Variants in EXD3 observed in about 807,000 individuals in gnomAD.
EXD3 encodes the protein exonuclease 3'-5' domain containing 3, also known as exonuclease mut-7 homolog.
In EXD3, 92 loss-of-function variants were observed where a neutral mutation model predicts 98.0. The ratio of observed to expected loss-of-function variants is 0.94; its 90% CI spans 0.79 to 1.12. EXD3 has a LOEUF of 1.12. Ranked by LOEUF, EXD3 falls within the 50% of genes most tolerant of loss-of-function variation. The probability of loss-of-function intolerance (pLI) is 0.00; values close to 1 mark genes in which losing one functional copy is unlikely to be tolerated. For missense variants in EXD3, 1,222 were observed against 1,191.6 expected (o/e 1.03, Z -0.38); for synonymous variants, 569 against 526.0 (o/e 1.08, Z -1.12).
intron 8 of EXD3, among the ~76,000 whole-genome samples, chr9:137,355,455 G>A (rs867035913): frequency 8.8e-5 from 11 of 125,126 alleles, no homozygotes; most frequent in African/African-American, 3.2e-4. Flanking sequence ...GAGGATGGAG[G>A]AAGGAGAAAG....
In EXD3 at chr9:137,371,243, G is replaced by A. The variant is rs893671172; in HGVS notation, c.462+1662C>T. 6.6e-5 allele frequency among the ~76,000 whole-genome samples: 10 copies of A among 152,226 alleles called. No homozygotes were observed. Among genetic ancestry groups the A allele is most frequent in the Non-Finnish European group, 7.3e-5 (5 of 68,030 alleles). ...CCCTGCACTCTCCGCAGGCACGGCC[G>A]CCATTCAGCGTCGCGCCACATGAGG... On this transcript the variant is annotated intron_variant, in intron 5 of 21. Coordinates refer to ENST00000340951, the MANE Select transcript of EXD3 (RefSeq NM_017820.5). This position sits in a 1 kb window ranked among gnomAD's most constrained non-coding sequence, Gnocchi z 8.0.
Position 137,309,593 on chromosome 9 carries a change from C to G in EXD3, c.2278+14G>C. On this transcript the variant is annotated intron_variant, in intron 20 of 21. Transcript: ENST00000340951. The stretch of plus-strand genomic sequence containing the variant: ...AGGCCCCCCAGACCCAGTGCCTGAC[C>G]CTGACACACTCACCTGAGCTCCTGG... 6.4e-7 allele frequency: 1 copy of G among 1,552,250 alleles called. No individual in the cohort carries two copies. The highest frequency in any genetic ancestry group is 8.7e-7 in the Non-Finnish European group (1 of 1,147,632).
Position 137,307,625 on chromosome 9 carries a change from T to A in EXD3, c.2300A>T (p.Gln767Leu). ...RSSGDEATQS[Q>L]AVQEPGPAPD... Reference sequence around the variant, plus strand: ...GGGCTCACCTGGCTCCTGCACCGCCTGGCTCTGGGTGGCCTCGTCACCTGT... The same window carrying A: ...GGGCTCACCTGGCTCCTGCACCGCCAGGCTCTGGGTGGCCTCGTCACCTGT... Residue 767 changes from glutamine (Q) to leucine (L), a missense_variant, in exon 21 of 22, where the codon CAG (glutamine) becomes CTG (leucine). By Grantham distance (113) the Gln-to-Leu change is moderately radical. Coordinates refer to ENST00000340951, the MANE Select transcript of EXD3 (RefSeq NM_017820.5). 6.2e-7 allele frequency: 1 copy of A among 1,610,184 alleles called. No homozygotes were observed. Among genetic ancestry groups the A allele is most frequent in the Non-Finnish European group, 8.5e-7 (1 of 1,179,682 alleles).
chr9:137,330,380 A>G (rs1191847752), intron 17 of EXD3, among the ~76,000 whole-genome samples: 2 of 142,582 alleles, frequency 1.4e-5, no homozygotes, highest in African/African-American at 2.7e-5. Context: ...GGAGCTACAC[A>G]GGACTACACA....
chr9:137,417,629 G>A (rs775314344), intron 1 of EXD3, among the ~76,000 whole-genome samples: 10 of 152,216 alleles, frequency 6.6e-5, no homozygotes, highest in African/African-American at 1.2e-4. Flanking sequence ...CGGCCGCAGA[G>A]GAGGAACGGC....
At chr9:137,328,402 CAT>C (rs1832610548) in intron 17 of EXD3, among the ~76,000 whole-genome samples, 3 of 152,188 alleles carry the variant, frequency 2.0e-5, no homozygotes, top group African/African-American at 4.8e-5. Flanking sequence ...AATATACACT[CAT>C]ATGATGAGTA....
rs751107503 is a variant in EXD3, at chr9:137,323,731, G to A, written c.2178C>T (p.Arg726=). 6 of 1,612,106 alleles carry A rather than the reference G, an allele frequency of 3.7e-6. No individual in the cohort carries two copies. Among genetic ancestry groups the A allele is most frequent in the Admixed American group, 3.3e-5 (2 of 59,994 alleles). ...VRVTHADIFS[R]CQACNCDQYL... ...CGGGGTGCGCAGGACCCACCTGGCA[G>A]CGGCTGAAGATGTCTGCGTGGGTGA... The change falls in exon 19 of 22, where the codon CGC becomes CGT. Residue 726 remains arginine (R), a synonymous_variant. Transcript: ENST00000340951.
chr9:137,323,811 A>G lies in EXD3; in HGVS notation c.2098T>C (p.Ser700Pro), dbSNP rs766167986. ...GAGRCLSVDC[S>P]LKAQQQAKAV... Reference sequence around the variant, plus strand: ...TTGGCCTGCTGCTGGGCCTTCAGGGAGCAGTCGACCGAGAGGCAGCGCCCA... The same window carrying G: ...TTGGCCTGCTGCTGGGCCTTCAGGGGGCAGTCGACCGAGAGGCAGCGCCCA... Residue 700 changes from serine (S) to proline (P), a missense_variant, in exon 19 of 22, where the codon TCC becomes CCC. By Grantham distance (74) the Ser-to-Pro change is moderately conservative (BLOSUM62 -1). Transcript: ENST00000340951. 6.2e-7 allele frequency: 1 copy of G among 1,612,178 alleles called. No individual in the cohort carries two copies. Among genetic ancestry groups the G allele is most frequent in the Non-Finnish European group, 8.5e-7 (1 of 1,179,738 alleles).
intron 1 of EXD3, among the ~76,000 whole-genome samples, chr9:137,415,969 T>C (rs558477003): frequency 1.3e-5 from 2 of 152,242 alleles, no homozygotes; most frequent in African/African-American, 4.8e-5. Context: ...ACGGTGCCTC[T>C]GTGCTTTCTG....
At chr9:137,321,983 G>A (rs1588240788) in intron 19 of EXD3, among the ~76,000 whole-genome samples, 3 of 152,180 alleles carry the variant, frequency 2.0e-5, no homozygotes, top group Admixed American at 6.5e-5. Flanking sequence ...CCCTGGGCAG[G>A]TGCCTCAGCC....
intron 16 of EXD3, 46 bp from the exon 17 acceptor site, chr9:137,348,284 C>T: frequency 1.3e-6 from 2 of 1,571,948 alleles, no homozygotes; most frequent in African/African-American, 1.4e-5. Flanking sequence ...CCCCCCAGCC[C>T]CTCACAGCCT....
rs1264623853 is a variant in EXD3, at chr9:137,385,472, C to G, written c.56-2095G>C. ...CATGTGCCGAGCCGCATCATGTGCT[C>G]TGCGTTCCTTCCTACACATGGGTTG... On this transcript the variant is annotated intron_variant, in intron 2 of 21. Coordinates refer to ENST00000340951, the MANE Select transcript of EXD3 (RefSeq NM_017820.5). The surrounding 1 kb of genome is among the most constrained non-coding windows in gnomAD (Gnocchi z 4.4). 6.6e-6 allele frequency among the ~76,000 whole-genome samples: 1 copy of G among 152,216 alleles called. No homozygotes were observed. Among genetic ancestry groups the G allele is most frequent in the African/African-American group, 2.4e-5 (1 of 41,478 alleles).
intron 19 of EXD3, among the ~76,000 whole-genome samples, chr9:137,321,901 C>T (rs934638874): frequency 3.9e-5 from 6 of 152,176 alleles, no homozygotes; most frequent in Non-Finnish European, 5.9e-5. Flanking sequence ...CAAAAGGCAG[C>T]ATCAACTCCC....
At chr9:137,317,582 G>T (rs1266345976) in intron 19 of EXD3, among the ~76,000 whole-genome samples, 1 of 152,156 alleles carries the variant, frequency 6.6e-6, no homozygotes, top group African/African-American at 2.4e-5. Context: ...CTGGAAGGCT[G>T]CTAGGAAAGG....
At position 137,324,159 on chromosome 9, in the gene EXD3, G is replaced by T; in HGVS notation, c.1999-16C>A. On this transcript the variant is annotated splice_polypyrimidine_tract_variant and intron_variant, in intron 17 of 21. Coordinates refer to ENST00000340951, the MANE Select transcript of EXD3 (RefSeq NM_017820.5). This position sits in a 1 kb window ranked among gnomAD's most constrained non-coding sequence, Gnocchi z 4.1. ...GCCTGGCAACCTGTGTGGGAGGTGC[G>T]ACCAGCACATAAAGGGGGCAGCTCC... 6.4e-7 allele frequency: 1 copy of T among 1,567,392 alleles called. No homozygotes were observed. Among genetic ancestry groups the T allele is most frequent in the Non-Finnish European group, 8.6e-7 (1 of 1,156,582 alleles).
intron 2 of EXD3, among the ~76,000 whole-genome samples, chr9:137,383,641 G>A (rs906301224): frequency 9.2e-5 from 14 of 152,332 alleles, no homozygotes; most frequent in Admixed American, 2.6e-4. Flanking sequence ...CTCAGCCCTG[G>A]GAGCTGGGCC....
chr9:137,368,737 T>A (rs905467810), intron 5 of EXD3, among the ~76,000 whole-genome samples: 1 of 151,702 alleles, frequency 6.6e-6, no homozygotes, highest in African/African-American at 2.4e-5. Flanking sequence ...GTGCGCAGGG[T>A]GGGGGCGCAG....
intron 2 of EXD3, among the ~76,000 whole-genome samples, chr9:137,387,845 C>T (rs150298260): frequency 2.0e-3 from 299 of 152,296 alleles, no homozygotes; most frequent in African/African-American, 6.8e-3. Context: ...GCCGGAGCTC[C>T]GTGGGTGGCC....
rs780776396 is a variant in EXD3, at chr9:137,307,167, A to G, written c.2414T>C (p.Leu805Pro). Residue 805 changes from leucine to proline, a missense_variant, in exon 22 of 22, where the codon CTG becomes CCG. Coordinates refer to ENST00000340951, the MANE Select transcript of EXD3 (RefSeq NM_017820.5). ...CAGCTGCAGCCGGGTGCCGTCGGCC[A>G]GCATGTCCGGTGTCTCCGCCCGCAG... is the stretch of plus-strand genomic sequence containing the variant. ...ADLRAETPDM[L>P]ADGTRLQLAG... 127 of 1,589,326 alleles carry G rather than the reference A, an allele frequency of 8.0e-5. No individual in the cohort carries two copies. The highest frequency in any genetic ancestry group is 1.7e-4 in the Middle Eastern group (1 of 6,052).
Sources: allele counts gnomAD v4.1 joint callset (sites outside exome capture counted in the v4.1 genomes callset), GRCh38; gene constraint gnomAD v4.1.1; non-coding constraint Gnocchi (gnomAD v3.1); transcripts MANE v1.5; gene names NCBI Gene and HGNC (gene_info 2026-07-23, HGNC 2026-07-21).